TAB1: variants seen among roughly 807,000 people sequenced by gnomAD.
TAB1 encodes the protein TGF-beta-activated kinase 1 and MAP3K7-binding protein 1.
TAB1 carries 30 observed loss-of-function variants against 54.5 expected under a neutral mutation model. That is an observed-to-expected ratio of 0.55 (90% CI 0.41 to 0.75). The LOEUF (loss-of-function observed/expected upper bound fraction) is 0.75. TAB1 is among the 30% of genes least tolerant of loss of function. TAB1 has a pLI of 0.00. For missense variants in TAB1, 609 were observed against 683.2 expected, an observed-to-expected ratio of 0.89 and a Z score of 1.21; for synonymous variants, 289 against 286.9, an observed-to-expected ratio of 1.01 and a Z score of -0.07.
rs772797678 is a variant in TAB1, at chr22:39,418,735, C to G, written c.554C>G (p.Thr185Arg). Residue 185 changes from threonine to arginine, a missense_variant, in exon 6 of 11, where the codon ACA becomes AGA. Transcript: ENST00000216160. ...NNKLYVANVG[T>R]NRALLCKSTV... ...AGCTGTTCACATTCTGCCACAGGTACAAACCGTGCACTTTTATGCAAATCG... is the reference window on the plus strand; with the variant it reads ...AGCTGTTCACATTCTGCCACAGGTAGAAACCGTGCACTTTTATGCAAATCG... The G allele has an allele frequency of 2.5e-6, 4 of 1,612,754 alleles. No individual in the cohort carries two copies. Among genetic ancestry groups the G allele is most frequent in the Non-Finnish European group, 2.5e-6 (3 of 1,178,734 alleles).
At chr22:39,412,477 T>A (rs1926649399) in intron 1 of TAB1, among the ~76,000 whole-genome samples, 1 of 151,284 alleles carries the variant, frequency 6.6e-6, no homozygotes, top group Non-Finnish European at 1.5e-5. Context: ...TCTACATGTG[T>A]CAACATTCAC....
intron 6 of TAB1, 46 bp from the exon 7 acceptor site, chr22:39,419,473 T>A (rs367936255): frequency 6.7e-7 from 1 of 1,481,964 alleles, no homozygotes; most frequent in African/African-American, 1.4e-5. Flanking sequence ...TTTTTGTTCC[T>A]CTTTGTGAAC....
downstream of TAB1, chr22:39,433,126 A>G: frequency 1.0e-6 from 1 of 985,244 alleles, no homozygotes; most frequent in Non-Finnish European, 1.2e-6. Flanking sequence ...AGAGAAGCCC[A>G]TCCCCCACCT....
intron 1 of TAB1, among the ~76,000 whole-genome samples, chr22:39,407,850 G>A (rs1926434966): frequency 6.6e-6 from 1 of 152,068 alleles, no homozygotes; most frequent in Non-Finnish European, 1.5e-5. Context: ...TCAATCTCTT[G>A]ACCTCGTGAT....
chr22:39,428,445 C>T (rs739141), intron 10 of TAB1, among the ~76,000 whole-genome samples: 111,790 of 152,214 alleles, frequency 0.73, 41,973 homozygotes, highest in East Asian at 1. Flanking sequence ...TGGAAGGTTT[C>T]CTTTCATTCC....
chr22:39,414,580 T>C (rs763815559), intron 1 of TAB1: 1 of 177,004 alleles, frequency 5.6e-6, no homozygotes, highest in Admixed American at 5.4e-5. Flanking sequence ...TCAGTCATTC[T>C]GAGGGTGGGG....
intron 1 of TAB1, among the ~76,000 whole-genome samples, chr22:39,400,345 T>A (rs1926081733): frequency 6.6e-6 from 1 of 152,144 alleles, no homozygotes; most frequent in East Asian, 1.9e-4. Flanking sequence ...GCCACACAAA[T>A]GGTACGTATT....
chr22:39,421,538 C>T (rs1198242489), intron 7 of TAB1, among the ~76,000 whole-genome samples: 1 of 152,190 alleles, frequency 6.6e-6, no homozygotes, highest in East Asian at 1.9e-4. Flanking sequence ...CTGCCACCAC[C>T]GGACCCTGTG....
At chr22:39,416,656 A>T in intron 3 of TAB1, 135 bp from the exon 4 acceptor site, 1 of 803,966 alleles carries the variant, frequency 1.2e-6, no homozygotes, top group Non-Finnish European at 2.1e-6. Flanking sequence ...GGCAGGACTG[A>T]CATGTGGAAA....
Position 39,415,282 on chromosome 22 carries a change from G to A in TAB1, c.170+140G>A, listed in dbSNP as rs1926775092. 8.5e-7 allele frequency: 1 copy of A among 1,183,372 alleles called. No individual in the cohort carries two copies. Among genetic ancestry groups the A allele is most frequent in the Non-Finnish European group, 1.2e-6 (1 of 852,436 alleles). 73.3% of individuals were successfully genotyped at this position (1,183,372 alleles called of 1,614,324 possible). ...GAGAGGTGGCCTCTGCTGCTGTCTT[G>A]CCAAGGGCCTGCTCTGATGGGGTAG... On this transcript the variant is annotated intron_variant, in intron 2 of 10. Transcript: ENST00000216160. This position sits in a 1 kb window ranked among gnomAD's most constrained non-coding sequence, Gnocchi z 4.9.
chr22:39,436,594 G>A (rs778194741), downstream of TAB1: 1 of 1,578,112 alleles, frequency 6.3e-7, no homozygotes, highest in South Asian at 1.1e-5. Flanking sequence ...TACACCAAGG[G>A]GCCCTCTGGG....
chr22:39,423,832 A>G lies in TAB1; in HGVS notation c.921+1861A>G, dbSNP rs184176426. On this transcript the variant is annotated intron_variant, in intron 8 of 10. Coordinates refer to ENST00000216160, the MANE Select transcript of TAB1 (RefSeq NM_006116.3). ...TAATGTATAGTGTTTTATAGTGTAC[A>G]TTGTAACTAATGTATAGTGTTTTAT... is the stretch of plus-strand genomic sequence containing the variant. Among the ~76,000 whole-genome samples the G allele has an allele frequency of 1.6e-4, 24 of 150,038 alleles. No individual in the cohort carries two copies. The East Asian group carries it at 4.2e-3, about 26-fold the overall frequency.
intron 1 of TAB1, among the ~76,000 whole-genome samples, chr22:39,413,353 A>G (rs1926688720): frequency 1.3e-5 from 2 of 151,498 alleles, no homozygotes; most frequent in Non-Finnish European, 1.5e-5. Flanking sequence ...GATGCCCTCT[A>G]TTTCTTTCTC....
intron 4 of TAB1, among the ~76,000 whole-genome samples, chr22:39,417,181 TGCAGC>T (rs1926869031): frequency 6.6e-6 from 1 of 152,240 alleles, no homozygotes; most frequent in Admixed American, 6.5e-5. Flanking sequence ...TACTGCCACC[TGCAGC>T]GCTTACCTCT....
rs1927434598 is a variant in TAB1 at position 39,428,234 on chromosome 22, G to A, written c.1307+51G>A. On this transcript the variant is annotated intron_variant, in intron 10 of 10. Transcript: ENST00000216160. ...CCCCAGCCCTGTCACCCCCGTGTGT[G>A]TCCTGTGGCACCAGGACAGAAATGG... 6 of 1,311,852 alleles carry A rather than the reference G, an allele frequency of 4.6e-6. No homozygotes were observed. The Admixed American group carries it at 1.2e-4, about 25-fold the overall frequency. 81.3% of individuals were successfully genotyped at this position (1,311,852 alleles called of 1,614,324 possible). A position where few individuals can be genotyped will look rare whatever the true frequency, so the allele number is the denominator to read the frequency against.
intron 10 of TAB1, among the ~76,000 whole-genome samples, chr22:39,428,520 T>A (rs1299025804): frequency 6.6e-6 from 1 of 152,232 alleles, no homozygotes; most frequent in Non-Finnish European, 1.5e-5. Context: ...GTCTGGCCTG[T>A]ACTGGCTTGT....
chr22:39,404,676 A>G (rs951196738), intron 1 of TAB1, among the ~76,000 whole-genome samples: 2 of 152,198 alleles, frequency 1.3e-5, no homozygotes, highest in Non-Finnish European at 2.9e-5. Context: ...TATCTAAAGG[A>G]TGTTAAAATA....
intron 1 of TAB1, among the ~76,000 whole-genome samples, chr22:39,403,720 G>T (rs1033132663): frequency 2.0e-5 from 3 of 148,668 alleles, no homozygotes; most frequent in Non-Finnish European, 4.4e-5. Flanking sequence ...CTCACTGCAA[G>T]CTCCGCCTCC....
intron 1 of TAB1, among the ~76,000 whole-genome samples, chr22:39,400,739 C>G (rs145177599): frequency 2.7e-3 from 413 of 152,274 alleles, no homozygotes; most frequent in Non-Finnish European, 4.7e-3. Flanking sequence ...GCCTCCTGTA[C>G]TAGAAAGTAA....
Sources: gnomAD v4.1 joint callset for allele counts (sites outside exome capture counted in the v4.1 genomes callset) on GRCh38, gnomAD v4.1.1 for gene constraint, Gnocchi (gnomAD v3.1) non-coding constraint, MANE v1.5 for transcripts, NCBI Gene and HGNC (gene_info 2026-07-23, HGNC 2026-07-21) for gene names.